Variants in ABCA2 observed in about 807,000 individuals in gnomAD.
ABCA2 encodes ATP binding cassette subfamily A member 2.
A neutral mutation model predicts 262.8 loss-of-function variants in ABCA2; 84 were observed. That is an observed-to-expected ratio of 0.32 (90% CI 0.27 to 0.38). The LOEUF (loss-of-function observed/expected upper bound fraction) is 0.38, where lower values mean the gene tolerates loss of function less well. ABCA2 is among the 10% of genes least tolerant of loss of function. ABCA2 has a pLI of 1.00. For missense variants in ABCA2, 2,662 were observed against 3,405.9 expected (o/e 0.78, Z 5.44); for synonymous variants, 1,696 against 1,502.9 (o/e 1.13, Z -2.97).
chr9:137,008,069 G>C, intron 48 of ABCA2, 105 bp from the exon 49 acceptor site: 1 of 1,407,518 alleles, frequency 7.1e-7, no homozygotes, highest in Non-Finnish European at 9.6e-7. Context: ...GGCTGGGCCT[G>C]GACGCAGGGT....
At position 137,027,408 on chromosome 9, in the gene ABCA2, G is replaced by A. The variant is rs1419464205; in HGVS notation, c.66+667C>T. On this transcript the variant is annotated intron_variant, in intron 1 of 48. Transcript: ENST00000341511. ...TAGACCCAGCCCCCAGAGCAGGTGGGGGGACCAGGAGGCAACAGAGTGGAT... is the reference window on the plus strand; with the variant it reads ...TAGACCCAGCCCCCAGAGCAGGTGGAGGGACCAGGAGGCAACAGAGTGGAT... The A allele has an allele frequency of 3.3e-5, 5 of 152,868 alleles. No homozygotes were observed. In the East Asian group the frequency reaches 9.6e-4, roughly 29 times the overall value. The allele number at this position is 152,868 out of a possible 1,614,324, so 9.5% of individuals were successfully genotyped here. A position where few individuals can be genotyped will look rare whatever the true frequency, so the allele number is the denominator to read the frequency against.
Position 137,011,733 on chromosome 9 carries a change from G to A in ABCA2, c.5552C>T (p.Pro1851Leu). The A allele has an allele frequency of 7.1e-6, 11 of 1,552,188 alleles. No individual in the cohort carries two copies. The highest frequency in any genetic ancestry group is 9.6e-6 in the Non-Finnish European group (11 of 1,148,270). ...CAGGATGATGACACAGCAGGTAGCG[G>A]GGACCAGGTAGTTGAGCTGCAGGGG... ...YVWDMLNYLV[P>L]ATCCVIILFV... Residue 1851 changes from proline to leucine, a missense_variant, in exon 36 of 49, where the codon CCC becomes CTC. Pro to Leu is a moderately conservative substitution (Grantham distance 98, BLOSUM62 -3). This residue lies in a region of ABCA2 where 602 missense variants were observed against 897.4 expected (regional missense o/e 0.67). Transcript: ENST00000341511. The surrounding 1 kb of genome is among the most constrained non-coding windows in gnomAD (Gnocchi z 8.8).
chr9:137,008,882 G>C lies in ABCA2; in HGVS notation c.6931-14C>G. The C allele has an allele frequency of 6.2e-7, 1 of 1,603,250 alleles. No individual in the cohort carries two copies. ...GTGGTGCCGCTCCTGCAGGGGGGGA[G>C]GTCAGAGGCCTGGCAGCGCCCCCCC... On this transcript the variant is annotated splice_polypyrimidine_tract_variant and intron_variant, in intron 46 of 48. Coordinates refer to ENST00000341511, the MANE Select transcript of ABCA2 (RefSeq NM_001606.5).
chr9:137,013,736 C>G, intron 28 of ABCA2, 96 bp downstream of exon 28: 3 of 1,441,246 alleles, frequency 2.1e-6, no homozygotes, highest in Non-Finnish European at 2.8e-6. Context: ...TGGGGTGAGG[C>G]CCAGAGTCAG....
In ABCA2 at chr9:137,023,027, C is replaced by T. The variant is rs376912039; in HGVS notation, c.189G>A (p.Thr63=). ...GCATGACAGGCAGGATGCCGGCAGA[C>T]GTCAGGGGCGCCGCTGTGTAGAAGG... ...EVSFYTAAPL[T]SAGILPVMQS... is the part of the protein sequence containing the mutation. Residue 63 remains threonine, a synonymous_variant, in exon 4 of 49, where the codon ACG becomes ACA. Coordinates refer to ENST00000341511, the MANE Select transcript of ABCA2 (RefSeq NM_001606.5). 3.4e-5 allele frequency: 54 copies of T among 1,590,818 alleles called. No homozygotes were observed. The East Asian group carries it at 5.5e-4, about 16-fold the overall frequency.
rs746381652 is a variant in ABCA2 at position 137,022,941 on chromosome 9, G to A, written c.275C>T (p.Thr92Met). The change falls in exon 4 of 49, where the codon ACG becomes ATG. Residue 92 changes from threonine (T) to methionine (M), a missense_variant and splice_region_variant. Around this residue, in one of 12 missense-constraint regions of ABCA2, gnomAD observed 101 missense variants for 152.3 expected, o/e 0.66. Coordinates refer to ENST00000341511, the MANE Select transcript of ABCA2 (RefSeq NM_001606.5). ...EFGFLQYANSTVTQLLERLDR... is the reference protein window; with the variant it reads ...EFGFLQYANSMVTQLLERLDR... ...CTCCGAGGGGCGGGTGGGCACTCAC[G>A]TGGAGTTGGCGTACTGCAGGAAGCC... 11 of 1,571,114 alleles carry A rather than the reference G, an allele frequency of 7.0e-6. No individual in the cohort carries two copies. In the East Asian group the frequency reaches 1.2e-4, roughly 17 times the overall value.
chr9:137,009,238 C>T (rs1306131555), intron 45 of ABCA2, 132 bp downstream of exon 45: 1 of 763,796 alleles, frequency 1.3e-6, no homozygotes, highest in Non-Finnish European at 2.0e-6. Context: ...CCAGTCCCCC[C>T]AGCCCCAGTG....
chr9:137,015,251 G>C (rs780136488), intron 24 of ABCA2, among the ~76,000 whole-genome samples, 154 bp from the exon 25 acceptor site: 1 of 152,090 alleles, frequency 6.6e-6, no homozygotes, highest in Non-Finnish European at 1.5e-5. Flanking sequence ...TGAGGACCCA[G>C]CCTCTCCAAG....
Position 137,021,473 on chromosome 9 carries a change from C to T in ABCA2, c.816G>A (p.Gln272=), listed in dbSNP as rs1353087299. Residue 272 remains glutamine (Q), a synonymous_variant, in exon 8 of 49, where the codon CAG becomes CAA. Transcript: ENST00000341511. This position sits in a 1 kb window ranked among gnomAD's most constrained non-coding sequence, Gnocchi z 6.0. The stretch of plus-strand genomic sequence containing the variant: ...AGAAGCGCCTGGCACGCGCAGCAGC[C>T]TGCCCACTGCAGACAGCATCCCGGT... ...QGYRDAVCSG[Q]AAARARRFSG... 6.2e-7 allele frequency: 1 copy of T among 1,611,996 alleles called. No individual in the cohort carries two copies. Among genetic ancestry groups the T allele is most frequent in the African/African-American group, 1.3e-5 (1 of 75,042 alleles).
chr9:137,017,301 G>A lies in ABCA2; in HGVS notation c.2448C>T (p.Ala816=), dbSNP rs1831295875. ...TCAGGAAGTAGATGATGCCACCGCA[G>A]GCCGAGGCCAGCTTGGCCTTGGAGT... ...VLYSKAKLAS[A]CGGIIYFLSY... is the part of the protein sequence containing the mutation. Residue 816 remains alanine, a synonymous_variant, in exon 18 of 49, where the codon GCC becomes GCT. Transcript: ENST00000341511. 3 of 1,612,686 alleles carry A rather than the reference G, an allele frequency of 1.9e-6. No homozygotes were observed. The highest frequency in any genetic ancestry group is 2.5e-6 in the Non-Finnish European group (3 of 1,179,898).
rs1564211139 is a variant in ABCA2 at position 137,009,679 on chromosome 9, C to CCCACACA, written c.6631-42_6631-36dup. Reference sequence around the variant, plus strand: ...GGTGGCAGGCTCAGCTGCTGCCAGGCCCACACACCCCAGCCTGAACGCTGC... The same window carrying CCCACACA: ...GGTGGCAGGCTCAGCTGCTGCCAGGCCCACACACCACACACCCCAGCCTGAACGCTGC... On this transcript the variant is annotated intron_variant, in intron 43 of 48. Coordinates refer to ENST00000341511, the MANE Select transcript of ABCA2 (RefSeq NM_001606.5). 6 of 1,612,298 alleles carry CCCACACA rather than the reference C, an allele frequency of 3.7e-6. No individual in the cohort carries two copies. In the South Asian group the frequency reaches 5.5e-5, roughly 15 times the overall value.
chr9:137,010,534 C>G, intron 40 of ABCA2, 86 bp downstream of exon 40: 2 of 1,533,624 alleles, frequency 1.3e-6, no homozygotes, highest in Non-Finnish European at 1.8e-6. Context: ...CCCTGCCCAC[C>G]CAGGCTCCAC....
upstream of ABCA2, chr9:137,028,748 C>T (rs374868755): frequency 1.5e-5 from 19 of 1,279,214 alleles, no homozygotes; most frequent in African/African-American, 2.3e-4. This position sits in a 1 kb window ranked among gnomAD's most constrained non-coding sequence, Gnocchi z 6.9. Context: ...CAGGTGGGTC[C>T]GTCCCGCGAT....
At chr9:137,024,822 G>T (rs1277210331) in intron 1 of ABCA2, among the ~76,000 whole-genome samples, 1 of 146,286 alleles carries the variant, frequency 6.8e-6, no homozygotes, top group Non-Finnish European at 1.5e-5. Flanking sequence ...TTTTTGAGAC[G>T]GAGTCTCACT....
chr9:137,015,273 G>T, intron 24 of ABCA2, 141 bp downstream of exon 24: 1 of 1,228,520 alleles, frequency 8.1e-7, no homozygotes, highest in Non-Finnish European at 1.1e-6. Context: ...TACGGGCGTT[G>T]CAGAGGGCGG....
At chr9:137,024,787 G>A (rs909681193) in intron 1 of ABCA2, among the ~76,000 whole-genome samples, 2 of 150,642 alleles carry the variant, frequency 1.3e-5, no homozygotes, top group African/African-American at 4.9e-5. Context: ...AGTCCCTGAA[G>A]CAAAGGCACC....
rs781633845 is a variant in ABCA2 at position 137,015,101 on chromosome 9, T to TG, written c.3698-5dup. 2.3e-5 allele frequency: 36 copies of TG among 1,568,942 alleles called. No individual in the cohort carries two copies. The highest frequency in any genetic ancestry group is 2.9e-5 in the Non-Finnish European group (34 of 1,160,576). Reference sequence around the variant, plus strand: ...GGGCTGGATGCCAGCCCTGGCTCTGTGGGGGACGTGGGAGCAGGAAGGAAT... The same window carrying TG: ...GGGCTGGATGCCAGCCCTGGCTCTGTGGGGGGACGTGGGAGCAGGAAGGAAT... On this transcript the variant is annotated splice_region_variant and splice_polypyrimidine_tract_variant and intron_variant, in intron 24 of 48. Transcript: ENST00000341511.
chr9:137,009,332 G>GCCCCCCCCCCCCCCCCCCCCGCCCCCCC, intron 45 of ABCA2, 38 bp downstream of exon 45: 4 of 980,404 alleles, frequency 4.1e-6, no homozygotes, highest in South Asian at 1.4e-5. Flanking sequence ...CCCCCCCCGG[G>GCCCCCCCCCCCCCCCCCCCCGCCCCCCC]CCCGCCCCAG....
At position 137,019,460 on chromosome 9, in the gene ABCA2, T is replaced by C; in HGVS notation, c.1426-154A>G. The C allele has an allele frequency of 1.2e-6, 1 of 863,854 alleles. No individual in the cohort carries two copies. Among genetic ancestry groups the C allele is most frequent in the Non-Finnish European group, 1.7e-6 (1 of 582,668 alleles). 53.5% of individuals were successfully genotyped at this position (863,854 alleles called of 1,614,324 possible). A position where few individuals can be genotyped will look rare whatever the true frequency, so the allele number is the denominator to read the frequency against. On this transcript the variant is annotated intron_variant, in intron 10 of 48. Coordinates refer to ENST00000341511, the MANE Select transcript of ABCA2 (RefSeq NM_001606.5). The surrounding 1 kb of genome is among the most constrained non-coding windows in gnomAD (Gnocchi z 4.4). ...TTTTTTTCCTGAGACAGGGTCTCAG[T>C]CACCCACGCTGGAGTGCAGTGGTGC...
Sources: gnomAD v4.1 joint callset for allele counts (sites outside exome capture counted in the v4.1 genomes callset) on GRCh38, gnomAD v4.1.1 for gene constraint, gnomAD v4.1.1 regional missense constraint, Gnocchi (gnomAD v3.1) non-coding constraint, MANE v1.5 for transcripts, NCBI Gene and HGNC (gene_info 2026-07-23, HGNC 2026-07-21) for gene names.